XYLT1: variants seen among roughly 807,000 people sequenced by gnomAD.
XYLT1 encodes xylosyltransferase 1.
XYLT1 carries 36 observed loss-of-function variants against 91.3 expected under a neutral mutation model. The observed-to-expected ratio is 0.39, with a 90% CI of 0.30 to 0.52. The LOEUF (loss-of-function observed/expected upper bound fraction) is 0.52, where lower values mean the gene tolerates loss of function less well. XYLT1 is among the 20% of genes least tolerant of loss of function. The pLI is 0.68. For missense variants in XYLT1, 1,242 were observed against 1,284.5 expected (o/e 0.97, Z 0.51); for synonymous variants, 588 against 532.0 (o/e 1.11, Z -1.45).
intron 1 of XYLT1, among the ~76,000 whole-genome samples, chr16:17,442,175 G>GGA (rs1264840820): frequency 6.6e-6 from 1 of 152,100 alleles, no homozygotes; most frequent in African/African-American, 2.4e-5. Context: ...GGCCCTCCTG[G>GGA]GACCCAGCTT....
chr16:17,206,049 TG>T (rs1158577922), intron 3 of XYLT1, among the ~76,000 whole-genome samples: 1 of 152,156 alleles, frequency 6.6e-6, no homozygotes, highest in African/African-American at 2.4e-5. Flanking sequence ...GATTCAGAGC[TG>T]GGGTGTAGAA....
chr16:17,327,711 T>G (rs893257299), intron 2 of XYLT1, among the ~76,000 whole-genome samples: 1 of 150,444 alleles, frequency 6.6e-6, no homozygotes, highest in Non-Finnish European at 1.5e-5. Flanking sequence ...TTGATCACAA[T>G]CAGCTTCTAT....
chr16:17,153,987 C>G (rs914663316), intron 6 of XYLT1, among the ~76,000 whole-genome samples: 1 of 152,156 alleles, frequency 6.6e-6, no homozygotes, highest in Non-Finnish European at 1.5e-5. Flanking sequence ...TCAGCTCTGT[C>G]GTTCACTAGC....
intron 10 of XYLT1, among the ~76,000 whole-genome samples, chr16:17,119,573 G>A (rs1271511645): frequency 6.6e-6 from 1 of 152,188 alleles, no homozygotes; most frequent in Non-Finnish European, 1.5e-5. Flanking sequence ...TACTATGTCA[G>A]TCCATTCTTT....
Position 17,138,362 on chromosome 16 carries a change from C to A in XYLT1, c.1757G>T (p.Arg586Leu). ...ACCATGAGAAAGTCTCACCTGGAAG[C>A]GGTGGAAGTCCTGCGGCTTGAAGTC... ...PNDFKPQDFH[R>L]FQQTARPTFF... The change falls in exon 8 of 12, where the codon CGC becomes CTC. Residue 586 changes from arginine (R) to leucine (L), a missense_variant. Arg to Leu is a moderately radical substitution (Grantham distance 102). Transcript: ENST00000261381. The A allele has an allele frequency of 1.2e-6, 2 of 1,611,164 alleles. No homozygotes were observed. Among genetic ancestry groups the A allele is most frequent in the Non-Finnish European group, 1.7e-6 (2 of 1,177,864 alleles).
intron 2 of XYLT1, among the ~76,000 whole-genome samples, chr16:17,294,673 G>C (rs2034284265): frequency 6.6e-6 from 1 of 152,064 alleles, no homozygotes; most frequent in South Asian, 2.1e-4. Context: ...TGCTGCCCTG[G>C]GTGAGGACCT....
chr16:17,135,904 T>C (rs2030700786), intron 8 of XYLT1, among the ~76,000 whole-genome samples: 1 of 152,352 alleles, frequency 6.6e-6, no homozygotes, highest in South Asian at 2.1e-4. Context: ...CCAACTAAAC[T>C]TCATTTATAG....
At chr16:17,421,062 G>A (rs143866141) in intron 1 of XYLT1, among the ~76,000 whole-genome samples, 29 of 152,218 alleles carry the variant, frequency 1.9e-4, no homozygotes, top group African/African-American at 6.5e-4. Context: ...CTTGTGTTGG[G>A]ATTATTTCTA....
At chr16:17,400,911 A>C (rs1442140208) in intron 1 of XYLT1, among the ~76,000 whole-genome samples, 1 of 151,990 alleles carries the variant, frequency 6.6e-6, no homozygotes, top group Admixed American at 6.6e-5. Flanking sequence ...GGGAAGAAAA[A>C]CAGAAGTAAC....
At chr16:17,128,648 A>G (rs2030348563) in intron 9 of XYLT1, among the ~76,000 whole-genome samples, 1 of 152,200 alleles carries the variant, frequency 6.6e-6, no homozygotes, top group South Asian at 2.1e-4. Context: ...TGAGATAAAC[A>G]CACATGCACA....
chr16:17,209,067 A>T (rs769196947), intron 3 of XYLT1, among the ~76,000 whole-genome samples: 7 of 152,220 alleles, frequency 4.6e-5, no homozygotes, highest in Admixed American at 1.3e-4. Context: ...TAATAAATAT[A>T]CTTACACTGT....
At chr16:17,467,006 T>G (rs1567213943) in intron 1 of XYLT1, among the ~76,000 whole-genome samples, 1 of 152,268 alleles carries the variant, frequency 6.6e-6, no homozygotes, top group African/African-American at 2.4e-5. Flanking sequence ...CTAAAGCCAG[T>G]GAACCGATCT....
rs1192726545 is a variant in XYLT1 at position 17,445,355 on chromosome 16, A to G, written c.363+25079T>C. ...CGTAGAGGCTGCTCCATAAATATTA[A>G]TATTTGTCAGATGAATGGCATTTGA... is the stretch of plus-strand genomic sequence containing the variant. On this transcript the variant is annotated intron_variant, in intron 1 of 11. Transcript: ENST00000261381. Among the ~76,000 whole-genome samples the G allele has an allele frequency of 2.6e-5, 4 of 152,230 alleles. No individual in the cohort carries two copies. The South Asian group carries it at 6.2e-4, about 24-fold the overall frequency.
intron 1 of XYLT1, among the ~76,000 whole-genome samples, chr16:17,402,704 A>G (rs2035984892): frequency 6.6e-6 from 1 of 150,664 alleles, no homozygotes; most frequent in African/African-American, 2.4e-5. Context: ...TATTCTACAT[A>G]CATGGGTGTT....
chr16:17,117,481 TG>T (rs1488002022), intron 11 of XYLT1, among the ~76,000 whole-genome samples, 164 bp downstream of exon 11: 12 of 152,202 alleles, frequency 7.9e-5, no homozygotes, highest in Non-Finnish European at 1.8e-4. Flanking sequence ...GGACATTAGA[TG>T]GTTTCTCTAG....
chr16:17,339,816 CT>C (rs894658195), intron 2 of XYLT1, among the ~76,000 whole-genome samples: 1 of 151,966 alleles, frequency 6.6e-6, no homozygotes, highest in Non-Finnish European at 1.5e-5. Flanking sequence ...TCTATCTATC[CT>C]TTTTTCCCTC....
intron 3 of XYLT1, among the ~76,000 whole-genome samples, chr16:17,258,690 T>A (rs2033672432): frequency 2.0e-5 from 3 of 152,158 alleles, no homozygotes; most frequent in Admixed American, 2.0e-4. Flanking sequence ...TCAATACAGC[T>A]CCCTTGGCTC....
At chr16:17,273,461 A>G (rs2033925100) in intron 2 of XYLT1, among the ~76,000 whole-genome samples, 1 of 152,188 alleles carries the variant, frequency 6.6e-6, no homozygotes, top group Non-Finnish European at 1.5e-5. Context: ...AACGTGTTAG[A>G]TGTGCAGAAT....
intron 1 of XYLT1, among the ~76,000 whole-genome samples, chr16:17,365,103 T>C (rs997033089): frequency 1.3e-5 from 2 of 152,204 alleles, no homozygotes; most frequent in African/African-American, 4.8e-5. Context: ...GTTCACGCTC[T>C]GCACCCCCAA....
Sources: gnomAD v4.1 joint callset for allele counts (sites outside exome capture counted in the v4.1 genomes callset) on GRCh38, gnomAD v4.1.1 for gene constraint, MANE v1.5 for transcripts, NCBI Gene and HGNC (gene_info 2026-07-23, HGNC 2026-07-21) for gene names.